Variants in IGFBP7 observed in about 807,000 individuals in gnomAD.
The protein encoded by IGFBP7 is insulin like growth factor binding protein 7.
Under a neutral mutation model 29.4 loss-of-function variants are expected in IGFBP7, and 31 were observed. That is an observed-to-expected ratio of 1.05 (90% CI 0.79 to 1.42). The LOEUF (loss-of-function observed/expected upper bound fraction) is 1.42. IGFBP7 is among the 40% of genes most tolerant of loss of function. IGFBP7 has a pLI of 0.00. For missense variants in IGFBP7, 393 were observed against 395.5 expected, an observed-to-expected ratio of 0.99 and a Z score of 0.05; for synonymous variants, 172 against 174.9, an observed-to-expected ratio of 0.98 and a Z score of 0.13.
chr4:57,069,927 A>G lies in IGFBP7; in HGVS notation c.476-28994T>C, dbSNP rs188186048. Among the ~76,000 whole-genome samples the G allele has an allele frequency of 1.9e-3, 294 of 152,132 alleles. 1 individual carries two copies. Among genetic ancestry groups the G allele is most frequent in the Non-Finnish European group, 3.3e-3 (222 of 68,026 alleles). On this transcript the variant is annotated intron_variant, in intron 1 of 4. Coordinates refer to ENST00000295666, the MANE Select transcript of IGFBP7 (RefSeq NM_001553.3). ...ACAAAACCCTGTCTCTACTAAAAAT[A>G]TAAAACAGCTGGGCATGGTGGTGTA... is the stretch of plus-strand genomic sequence containing the variant.
At chr4:57,106,275 G>A (rs1726030449) in intron 1 of IGFBP7, among the ~76,000 whole-genome samples, 1 of 152,064 alleles carries the variant, frequency 6.6e-6, no homozygotes, top group Non-Finnish European at 1.5e-5. Flanking sequence ...TGTCATAAAA[G>A]GTTTGGGGGC....
intron 1 of IGFBP7, among the ~76,000 whole-genome samples, chr4:57,078,144 G>T (rs1205648077): frequency 6.6e-6 from 1 of 151,848 alleles, no homozygotes; most frequent in African/African-American, 2.4e-5. Context: ...CTGTGGCCAC[G>T]GTAACAAAAT....
chr4:57,108,151 A>G (rs560376654), intron 1 of IGFBP7, among the ~76,000 whole-genome samples: 2 of 152,342 alleles, frequency 1.3e-5, no homozygotes, highest in East Asian at 3.9e-4. Context: ...ACATATGCAG[A>G]TTATTTTGGG....
intron 1 of IGFBP7, among the ~76,000 whole-genome samples, chr4:57,080,730 A>G (rs983876656): frequency 6.6e-5 from 10 of 152,180 alleles, no homozygotes; most frequent in Non-Finnish European, 7.3e-5. Context: ...AGAACTGACC[A>G]GAGAGAATAC....
At chr4:57,108,538 C>CT (rs113966517) in intron 1 of IGFBP7, among the ~76,000 whole-genome samples, 3 of 149,802 alleles carry the variant, frequency 2.0e-5, no homozygotes, top group Admixed American at 1.3e-4. Flanking sequence ...ACTTTATTTT[C>CT]TTCTTTCTTT....
At chr4:57,040,158 A>T (rs1724186847) in intron 2 of IGFBP7, among the ~76,000 whole-genome samples, 1 of 152,028 alleles carries the variant, frequency 6.6e-6, no homozygotes, top group African/African-American at 2.4e-5. Context: ...AGGAGAATAG[A>T]TCCCACCTCA....
intron 1 of IGFBP7, among the ~76,000 whole-genome samples, chr4:57,079,778 C>T (rs899474958): frequency 1.3e-5 from 2 of 152,196 alleles, no homozygotes; most frequent in East Asian, 3.8e-4. Context: ...CTATTTGTCT[C>T]ATTAATAATT....
At chr4:57,069,156 C>T (rs1724995467) in intron 1 of IGFBP7, among the ~76,000 whole-genome samples, 1 of 152,156 alleles carries the variant, frequency 6.6e-6, no homozygotes, top group Non-Finnish European at 1.5e-5. Flanking sequence ...ATGTACTTTC[C>T]TGGCATTGTT....
At chr4:57,040,714 C>T (rs1440277691) in intron 2 of IGFBP7, 110 bp downstream of exon 2, 24 of 813,268 alleles carry the variant, frequency 3.0e-5, no homozygotes, top group South Asian at 5.8e-5. Flanking sequence ...CTTCACCTTG[C>T]GGGAGCCGCA....
intron 1 of IGFBP7, among the ~76,000 whole-genome samples, chr4:57,042,395 G>A (rs536074090): frequency 6.6e-6 from 1 of 152,242 alleles, no homozygotes; most frequent in African/African-American, 2.4e-5. Flanking sequence ...TGTTGCTCAG[G>A]CTGGAGTGCA....
intron 1 of IGFBP7, among the ~76,000 whole-genome samples, chr4:57,104,910 C>A (rs1175446742): frequency 1.3e-5 from 2 of 152,202 alleles, no homozygotes; most frequent in Non-Finnish European, 1.5e-5. Context: ...GGCTTTCCTG[C>A]ATTTCCAAAC....
chr4:57,031,812 T>G (rs1451058784), intron 4 of IGFBP7, among the ~76,000 whole-genome samples: 1 of 152,238 alleles, frequency 6.6e-6, no homozygotes, highest in Non-Finnish European at 1.5e-5. Flanking sequence ...ATATCACAGC[T>G]GAGTGATCTG....
At position 57,032,389 on chromosome 4, in the gene IGFBP7, T is replaced by C. The variant is rs1346483732; in HGVS notation, c.829+37A>G. 2.5e-6 allele frequency: 4 copies of C among 1,610,600 alleles called. No individual in the cohort carries two copies. In the African/African-American group the frequency reaches 5.3e-5, roughly 22 times the overall value. On this transcript the variant is annotated intron_variant, in intron 4 of 4. Transcript: ENST00000295666. Reference sequence around the variant, plus strand: ...TCTGTTCTTTTTAAAGCAAATGTACTAGTCATTTTTAAATGGCTGTGAGAT... The same window carrying C: ...TCTGTTCTTTTTAAAGCAAATGTACCAGTCATTTTTAAATGGCTGTGAGAT...
chr4:57,085,220 G>A (rs1725469293), intron 1 of IGFBP7, among the ~76,000 whole-genome samples: 2 of 151,172 alleles, frequency 1.3e-5, no homozygotes, highest in African/African-American at 2.4e-5. Context: ...CATTTTTCTT[G>A]TATTTCAGTG....
intron 1 of IGFBP7, chr4:57,073,156 G>C: frequency 3.8e-6 from 6 of 1,578,698 alleles, no homozygotes; most frequent in Non-Finnish European, 4.3e-6. Context: ...GCCTGTCCTT[G>C]TGTCGTCTTT....
At chr4:57,078,843 A>G (rs956823063) in intron 1 of IGFBP7, among the ~76,000 whole-genome samples, 2 of 115,408 alleles carry the variant, frequency 1.7e-5, no homozygotes, top group Non-Finnish European at 4.3e-5. Context: ...GATTTCTTGA[A>G]CAATAGAAAG....
intron 1 of IGFBP7, among the ~76,000 whole-genome samples, chr4:57,061,101 A>G (rs867532255): frequency 1.3e-5 from 2 of 152,058 alleles, no homozygotes; most frequent in South Asian, 2.1e-4. Context: ...AACTAAATTC[A>G]TGAAAGAGGA....
chr4:57,054,098 C>A (rs1004349280), intron 1 of IGFBP7, among the ~76,000 whole-genome samples: 9 of 152,188 alleles, frequency 5.9e-5, no homozygotes, highest in Admixed American at 1.3e-4. Context: ...CATCCTCCTG[C>A]CTCAGCCTCC....
intron 1 of IGFBP7, chr4:57,072,541 T>A (rs1725077836): frequency 4.4e-6 from 1 of 227,732 alleles, no homozygotes; most frequent in Admixed American, 5.4e-5. Flanking sequence ...TCAAAAAAAT[T>A]AAATAGTCAG....
Sources: gnomAD v4.1 joint callset for allele counts (sites outside exome capture counted in the v4.1 genomes callset) on GRCh38, gnomAD v4.1.1 for gene constraint, MANE v1.5 for transcripts, NCBI Gene and HGNC (gene_info 2026-07-23, HGNC 2026-07-21) for gene names.